The following SVOPL variants were observed in gnomAD, a reference collection of about 807,000 sequenced individuals.
The protein encoded by SVOPL is SVOP like.
A neutral mutation model predicts 61.0 loss-of-function variants in SVOPL; 60 were observed. That is an observed-to-expected ratio of 0.98 (90% CI 0.80 to 1.22). The LOEUF (loss-of-function observed/expected upper bound fraction) is 1.22, where lower values mean the gene tolerates loss of function less well. SVOPL is among the 50% of genes most tolerant of loss of function. The pLI is 0.00. For missense variants in SVOPL, 662 were observed against 643.9 expected (o/e 1.03, Z -0.30); for synonymous variants, 279 against 250.0 (o/e 1.12, Z -1.09).
chr7:138,629,968 G>A (rs1584803286), intron 10 of SVOPL, 81 bp downstream of exon 10: 3 of 1,092,970 alleles, frequency 2.7e-6, no homozygotes, highest in Admixed American at 3.6e-5. Context: ...TCTCCCCAGT[G>A]GCACTCACAT....
At chr7:138,692,037 C>T (rs1294529857) in intron 1 of SVOPL, among the ~76,000 whole-genome samples, 1 of 151,882 alleles carries the variant, frequency 6.6e-6, no homozygotes, top group Admixed American at 6.6e-5. Context: ...AGGCTGGTCT[C>T]GAACTCCTAA....
At chr7:138,693,545 GAAA>G (rs1334820576) in intron 1 of SVOPL, among the ~76,000 whole-genome samples, 2 of 62,582 alleles carry the variant, frequency 3.2e-5, no homozygotes, top group African/African-American at 1.4e-4. Context: ...AAGAAAGAAA[GAAA>G]GAAAGAAAGA....
intron 7 of SVOPL, among the ~76,000 whole-genome samples, chr7:138,654,500 GTT>G (rs71179717): frequency 8.0e-6 from 1 of 125,512 alleles, no homozygotes; most frequent in Non-Finnish European, 1.6e-5. Context: ...TACTGAGTTT[GTT>G]TTTTTTTTTT....
intron 9 of SVOPL, among the ~76,000 whole-genome samples, chr7:138,638,455 G>T (rs1800611497): frequency 6.6e-6 from 1 of 151,906 alleles, no homozygotes; most frequent in Non-Finnish European, 1.5e-5. Flanking sequence ...GAAATCCTGG[G>T]CAAACAAGAT....
At chr7:138,651,677 TACA>T (rs929801764) in intron 7 of SVOPL, among the ~76,000 whole-genome samples, 2 of 152,294 alleles carry the variant, frequency 1.3e-5, no homozygotes, top group African/African-American at 2.4e-5. Flanking sequence ...TATCTTCCAC[TACA>T]ACAATTATTT....
intron 9 of SVOPL, among the ~76,000 whole-genome samples, chr7:138,632,667 G>T (rs1800266171): frequency 6.6e-6 from 1 of 151,692 alleles, no homozygotes; most frequent in Non-Finnish European, 1.5e-5. Context: ...GGGGAGCCAG[G>T]GTGGAAAGGG....
intron 1 of SVOPL, among the ~76,000 whole-genome samples, chr7:138,700,335 CTTTTTTTTT>C (rs776461183): frequency 6.0e-5 from 6 of 99,768 alleles, no homozygotes; most frequent in Non-Finnish European, 1.1e-4. Context: ...TTCCGTATGT[CTTTTTTTTT>C]TTTTTTTTTT....
chr7:138,641,105 A>G (rs972929), intron 9 of SVOPL, among the ~76,000 whole-genome samples: 43,934 of 151,696 alleles, frequency 0.29, 7,737 homozygotes, highest in African/African-American at 0.5. Context: ...CTGGAGGCTG[A>G]GGTAGGAGGA....
At chr7:138,682,173 T>C (rs1190377422) in intron 1 of SVOPL, among the ~76,000 whole-genome samples, 1 of 152,128 alleles carries the variant, frequency 6.6e-6, no homozygotes, top group Non-Finnish European at 1.5e-5. Context: ...TTGCACCTTC[T>C]AAAAAAATAA....
chr7:138,623,369 G>A (rs916090480), intron 13 of SVOPL, among the ~76,000 whole-genome samples: 1 of 152,148 alleles, frequency 6.6e-6, no homozygotes, highest in Non-Finnish European at 1.5e-5. Context: ...GGGAGGCCGA[G>A]GCGGGCGGAT....
In SVOPL at chr7:138,644,763, A is replaced by G. The variant is rs1256014589; in HGVS notation, c.743T>C (p.Met248Thr). The change falls in exon 9 of 16, where the codon ATG becomes ACG. Residue 248 changes from methionine (M) to threonine (T), a missense_variant. Transcript: ENST00000674285. The part of the protein sequence containing the change: ...ALATLERVAK[M>T]NRSVMPEGKL... The stretch of plus-strand genomic sequence containing the variant: ...CCCCTCCGGCATGACCGAGCGGTTC[A>G]TCTTGGCAACGCGCTCCAGAGTGGC... 6.2e-6 allele frequency: 10 copies of G among 1,614,054 alleles called. No individual in the cohort carries two copies. Among genetic ancestry groups the G allele is most frequent in the Non-Finnish European group, 7.6e-6 (9 of 1,180,032 alleles).
intron 1 of SVOPL, among the ~76,000 whole-genome samples, chr7:138,691,183 G>T (rs182640935): frequency 6.6e-6 from 1 of 152,074 alleles, no homozygotes. Context: ...AAATCACAGC[G>T]GCAGACTTTA....
At chr7:138,668,925 CCAGA>C (rs1157762952) in intron 4 of SVOPL, among the ~76,000 whole-genome samples, 14 of 152,178 alleles carry the variant, frequency 9.2e-5, no homozygotes, top group African/African-American at 2.7e-4. Context: ...TACCTACCTC[CCAGA>C]CACTCTCTTT....
intron 13 of SVOPL, 50 bp downstream of exon 13, chr7:138,625,919 G>A (rs1431411804): frequency 6.3e-7 from 1 of 1,587,952 alleles, no homozygotes; most frequent in African/African-American, 1.3e-5. Flanking sequence ...GACATCCTAA[G>A]TAGCTCACCT....
At chr7:138,671,637 T>C (rs1218111221) in intron 4 of SVOPL, among the ~76,000 whole-genome samples, 2 of 152,170 alleles carry the variant, frequency 1.3e-5, no homozygotes, top group Non-Finnish European at 2.9e-5. Context: ...CATGAGCCAC[T>C]GCACCAGGCC....
At chr7:138,683,002 G>A (rs1355490485) in intron 1 of SVOPL, among the ~76,000 whole-genome samples, 5 of 148,288 alleles carry the variant, frequency 3.4e-5, no homozygotes, top group African/African-American at 1.0e-4. Context: ...AAGAAAAACA[G>A]CAATGTGAGA....
intron 1 of SVOPL, among the ~76,000 whole-genome samples, chr7:138,693,564 A>AGAAAGAAAGAAAGAAAGAAAAAAG (rs1563140853): frequency 2.1e-3 from 190 of 91,316 alleles, no homozygotes; most frequent in African/African-American, 8.8e-3. Flanking sequence ...AAAGAAAGAA[A>AGAAAGAAAGAAAGAAAGAAAAAAG]GAAAGAAAGA....
intron 14 of SVOPL, among the ~76,000 whole-genome samples, chr7:138,605,640 C>CAAAAAAAA (rs1159063438): frequency 1.2e-5 from 1 of 84,288 alleles, no homozygotes; most frequent in South Asian, 4.0e-4. Flanking sequence ...CTAACCTGGG[C>CAAAAAAAA]AAAAAAAAAA....
At chr7:138,628,415 G>A (rs989096679) in intron 10 of SVOPL, 52 bp from the exon 11 acceptor site, 3 of 1,576,938 alleles carry the variant, frequency 1.9e-6, no homozygotes, top group Non-Finnish European at 2.6e-6. Flanking sequence ...AGACCTGAAG[G>A]ATGAGTGGGG....
Sources: gnomAD v4.1 joint callset for allele counts (sites outside exome capture counted in the v4.1 genomes callset) on GRCh38, gnomAD v4.1.1 for gene constraint, MANE v1.5 for transcripts, NCBI Gene and HGNC (gene_info 2026-07-23, HGNC 2026-07-21) for gene names.